Variants in CFAP47 observed in about 807,000 individuals in gnomAD.
CFAP47 encodes cilia- and flagella-associated protein 47.
In CFAP47, 29 loss-of-function variants were observed where a neutral mutation model predicts 148.1. The observed-to-expected ratio is 0.20, with a 90% CI of 0.15 to 0.27. The LOEUF is 0.27. Among genes scored for constraint, CFAP47 ranks in the 10% least tolerant of loss-of-function variants. CFAP47 has a pLI of 1.00. For missense variants in CFAP47, 1,872 were observed against 1,697.5 expected, an observed-to-expected ratio of 1.10 and a Z score of -1.81; for synonymous variants, 664 against 577.3, an observed-to-expected ratio of 1.15 and a Z score of -2.15.
chrX:36,304,582 T>G (rs1380568642), intron 54 of CFAP47, among the ~76,000 whole-genome samples: 1 of 111,039 alleles, frequency 9.0e-6, no homozygotes, highest in Non-Finnish European at 1.9e-5. Context: ...TGTAATAGTT[T>G]CCAGTATTAT....
rs140889290 is a variant in CFAP47 at position 35,984,774 on chromosome X, A to G, written c.2714-4545A>G. On this transcript the variant is annotated intron_variant, in intron 15 of 63. Coordinates refer to ENST00000378653, the MANE Select transcript of CFAP47 (RefSeq NM_001304548.2). Reference sequence around the variant, plus strand: ...TATGGTTTTGAGCAACCTTCTTAGTATTGATTTCTATTTTTATTGTGCTGT... The same window carrying G: ...TATGGTTTTGAGCAACCTTCTTAGTGTTGATTTCTATTTTTATTGTGCTGT... Among the ~76,000 whole-genome samples, 646 of 111,374 alleles carry G rather than the reference A, an allele frequency of 5.8e-3. 6 individuals carry two copies. The highest frequency in any genetic ancestry group is 0.02 in the African/African-American group (621 of 30,670).
intron 24 of CFAP47, among the ~76,000 whole-genome samples, chrX:36,037,383 G>T (rs1402089078): frequency 9.1e-6 from 1 of 110,006 alleles, no homozygotes; most frequent in Non-Finnish European, 1.9e-5. Context: ...TGTTGTTGGA[G>T]ATGGAGTCTC....
intron 42 of CFAP47, among the ~76,000 whole-genome samples, chrX:36,196,498 G>A (rs892292987): frequency 4.5e-5 from 5 of 111,173 alleles, no homozygotes; most frequent in African/African-American, 1.6e-4. Flanking sequence ...GAAGATTGAG[G>A]TTATTTGTAT....
chrX:36,314,626 T>C (rs1556010604), intron 56 of CFAP47, among the ~76,000 whole-genome samples: 1 of 111,481 alleles, frequency 9.0e-6, no homozygotes, highest in African/African-American at 3.3e-5. Context: ...GAACTTAAAA[T>C]ATGTAAGGAG....
intron 32 of CFAP47, among the ~76,000 whole-genome samples, chrX:36,102,577 G>A (rs1426087118): frequency 1.8e-5 from 2 of 110,591 alleles, no homozygotes; most frequent in Non-Finnish European, 3.8e-5. Flanking sequence ...TGCTCCATAT[G>A]GGTCCATCAT....
chrX:36,187,158 A>G (rs191625704), intron 40 of CFAP47, among the ~76,000 whole-genome samples: 1 of 112,037 alleles, frequency 8.9e-6, no homozygotes, highest in Admixed American at 9.5e-5. Context: ...GTCTTTTGTA[A>G]TCATGATAAC....
chrX:35,934,017 G>C (rs1304037005), intron 2 of CFAP47, among the ~76,000 whole-genome samples: 1 of 111,375 alleles, frequency 9.0e-6, no homozygotes, highest in African/African-American at 3.3e-5. Flanking sequence ...CCCATACTGT[G>C]GGTTGTCTCT....
chrX:36,050,087 C>T (rs755977152), intron 26 of CFAP47, among the ~76,000 whole-genome samples: 1 of 111,673 alleles, frequency 9.0e-6, no homozygotes, highest in Admixed American at 9.6e-5. Context: ...TCCATTAAAC[C>T]TCTTTTTCTT....
At chrX:36,016,560 T>C (rs1389872803) in intron 22 of CFAP47, among the ~76,000 whole-genome samples, 1 of 111,354 alleles carries the variant, frequency 9.0e-6, no homozygotes, top group Non-Finnish European at 1.9e-5. Flanking sequence ...AATCTGTTGA[T>C]AGAACCTTAG....
At chrX:36,056,999 T>C (rs1201503917) in intron 26 of CFAP47, among the ~76,000 whole-genome samples, 1 of 111,895 alleles carries the variant, frequency 8.9e-6, no homozygotes, top group African/African-American at 3.3e-5. Flanking sequence ...CTAATAATCC[T>C]CTTAAACTCC....
intron 49 of CFAP47, among the ~76,000 whole-genome samples, chrX:36,258,181 A>T (rs190470111): frequency 8.9e-6 from 1 of 112,181 alleles, no homozygotes; most frequent in Non-Finnish European, 1.9e-5. Flanking sequence ...CTGGAATGGG[A>T]TCTTTTTATG....
intron 62 of CFAP47, chrX:36,368,173 G>A (rs1359163111): frequency 8.9e-6 from 1 of 111,844 alleles, no homozygotes; most frequent in Non-Finnish European, 1.9e-5. Context: ...GAGCAAACCA[G>A]CACCTAACAG....
At chrX:36,339,321 G>A (rs1045201761) in intron 57 of CFAP47, among the ~76,000 whole-genome samples, 1 of 111,324 alleles carries the variant, frequency 9.0e-6, no homozygotes, top group African/African-American at 3.3e-5. Flanking sequence ...TTAGTATAGT[G>A]CAGAGGAAGA....
chrX:35,962,806 C>G (rs1936348800), intron 8 of CFAP47, among the ~76,000 whole-genome samples: 2 of 110,480 alleles, frequency 1.8e-5, no homozygotes, highest in African/African-American at 6.6e-5. Flanking sequence ...ATCCATTTAT[C>G]TATTGATGAA....
At chrX:36,039,267 T>A in intron 25 of CFAP47, 88 bp downstream of exon 25, 1 of 415,332 alleles carries the variant, frequency 2.4e-6, no homozygotes, top group Non-Finnish European at 3.8e-6. Context: ...AAGAATGGCT[T>A]GTTTCTATAG....
At chrX:36,358,631 A>C (rs2146989173) in intron 60 of CFAP47, among the ~76,000 whole-genome samples, 1 of 111,793 alleles carries the variant, frequency 8.9e-6, no homozygotes, top group Non-Finnish European at 1.9e-5. Context: ...TGTTATTCTT[A>C]GAAGTCCCAC....
intron 33 of CFAP47, among the ~76,000 whole-genome samples, chrX:36,122,515 T>C (rs1463645430): frequency 9.0e-6 from 1 of 111,542 alleles, no homozygotes; most frequent in Non-Finnish European, 1.9e-5. Flanking sequence ...CTCTGCTGAC[T>C]GTTTATATTC....
chrX:36,135,327 A>G (rs1254360670), intron 33 of CFAP47, among the ~76,000 whole-genome samples: 1 of 111,808 alleles, frequency 8.9e-6, no homozygotes, highest in African/African-American at 3.2e-5. Context: ...GATCACAATA[A>G]GCACTACATG....
At chrX:36,100,497 T>C (rs369831091) in intron 32 of CFAP47, among the ~76,000 whole-genome samples, 102 of 112,359 alleles carry the variant, frequency 9.1e-4, no homozygotes, top group African/African-American at 3.2e-3. Flanking sequence ...CTCTATACTC[T>C]GTACCCTTAT....
Sources: gnomAD v4.1 joint callset for allele counts (sites outside exome capture counted in the v4.1 genomes callset) on GRCh38, gnomAD v4.1.1 for gene constraint, MANE v1.5 for transcripts, NCBI Gene and HGNC (gene_info 2026-07-23, HGNC 2026-07-21) for gene names.